Variants in CCDC88A observed in about 807,000 individuals in gnomAD.
CCDC88A encodes coiled-coil and HOOK domain protein 88A.
Under a neutral mutation model 234.3 loss-of-function variants are expected in CCDC88A, and 54 were observed. That is an observed-to-expected ratio of 0.23 (90% CI 0.19 to 0.29). CCDC88A has a LOEUF of 0.29. Among genes scored for constraint, CCDC88A ranks in the 10% least tolerant of loss-of-function variants. The pLI, the probability that CCDC88A is intolerant of heterozygous loss-of-function variation, is 1.00. For missense variants in CCDC88A, 1,832 were observed against 2,123.4 expected, an observed-to-expected ratio of 0.86 and a Z score of 2.70; for synonymous variants, 753 against 737.8, an observed-to-expected ratio of 1.02 and a Z score of -0.33.
Position 55,332,816 on chromosome 2 carries a change from T to A in CCDC88A, c.2728-123A>T. 1.2e-6 allele frequency: 1 copy of A among 808,430 alleles called. No individual in the cohort carries two copies. Among genetic ancestry groups the A allele is most frequent in the Non-Finnish European group, 1.9e-6 (1 of 517,588 alleles). The allele number at this position is 808,430 out of a possible 1,614,324, so 50.1% of individuals were successfully genotyped here. On this transcript the variant is annotated intron_variant, in intron 15 of 32. Coordinates refer to ENST00000436346, the MANE Select transcript of CCDC88A (RefSeq NM_001365480.1). The surrounding 1 kb of genome is among the most constrained non-coding windows in gnomAD (Gnocchi z 4.5). ...TGTAATTTGAACCAGGAAATGTCATTAAACCATTCCTTCATTATTAAAATG... is the reference window on the plus strand; with the variant it reads ...TGTAATTTGAACCAGGAAATGTCATAAAACCATTCCTTCATTATTAAAATG...
chr2:55,370,666 A>AGTG (rs1415080670), intron 5 of CCDC88A, among the ~76,000 whole-genome samples: 1 of 141,318 alleles, frequency 7.1e-6, no homozygotes, highest in African/African-American at 2.7e-5. Flanking sequence ...AAAAAAAAAA[A>AGTG]AGAGAATTAA....
chr2:55,339,570 C>T lies in CCDC88A; in HGVS notation c.1412G>A (p.Ser471Asn). 1 of 1,613,896 alleles carries T rather than the reference C, an allele frequency of 6.2e-7. No homozygotes were observed. The highest frequency in any genetic ancestry group is 8.5e-7 in the Non-Finnish European group (1 of 1,179,940). Residue 471 changes from serine (S) to asparagine (N), a missense_variant, in exon 13 of 33, where the codon AGT becomes AAT. Coordinates refer to ENST00000436346, the MANE Select transcript of CCDC88A (RefSeq NM_001365480.1). ...RLLKLEMENQ[S>N]LTKTVEELRT... The stretch of plus-strand genomic sequence containing the variant: ...AAGCTCTTCTACGGTTTTTGTCAAA[C>T]TTTGATTTTCCATCTCTAGCTTCAA...
At chr2:55,346,985 A>C (rs1669202356) in intron 9 of CCDC88A, among the ~76,000 whole-genome samples, 1 of 152,200 alleles carries the variant, frequency 6.6e-6, no homozygotes, top group South Asian at 2.1e-4. Context: ...AAAATAAGTT[A>C]ACATCTATGT....
intron 12 of CCDC88A, among the ~76,000 whole-genome samples, chr2:55,342,669 A>C (rs1012088246): frequency 2.0e-5 from 3 of 152,192 alleles, no homozygotes; most frequent in African/African-American, 7.2e-5. Context: ...CTCTATAGCC[A>C]GTACATGGGG....
intron 5 of CCDC88A, among the ~76,000 whole-genome samples, chr2:55,367,016 A>G (rs1672076950): frequency 6.6e-6 from 1 of 152,238 alleles, no homozygotes; most frequent in Non-Finnish European, 1.5e-5. Flanking sequence ...GTGTTCATCA[A>G]TGATGAATGG....
chr2:55,293,042 A>T (rs1228797590), intron 31 of CCDC88A: 3 of 151,876 alleles, frequency 2.0e-5, no homozygotes, highest in Non-Finnish European at 4.4e-5. Context: ...CTGCATATAA[A>T]CATATAGCTT....
intron 3 of CCDC88A, 64 bp downstream of exon 3, chr2:55,388,714 A>T (rs1371161997): frequency 5.9e-6 from 4 of 681,614 alleles, no homozygotes; most frequent in Non-Finnish European, 1.0e-5. Context: ...GAGATGACTG[A>T]TACTAAATAA....
At chr2:55,415,614 A>G (rs1310403566) in intron 2 of CCDC88A, among the ~76,000 whole-genome samples, 2 of 152,326 alleles carry the variant, frequency 1.3e-5, no homozygotes, top group Middle Eastern at 3.4e-3. Context: ...CAAGGTAGCT[A>G]AAGTACACAG....
At chr2:55,354,518 T>C (rs1574251169) in intron 8 of CCDC88A, among the ~76,000 whole-genome samples, 1 of 152,082 alleles carries the variant, frequency 6.6e-6, no homozygotes, top group African/African-American at 2.4e-5. Flanking sequence ...CATAAACACA[T>C]TGTACAACTG....
Position 55,332,196 on chromosome 2 carries a change from G to C in CCDC88A, c.2855+370C>G, listed in dbSNP as rs1031587344. On this transcript the variant is annotated intron_variant, in intron 16 of 32. Transcript: ENST00000436346. The surrounding 1 kb of genome is among the most constrained non-coding windows in gnomAD (Gnocchi z 4.5). The stretch of plus-strand genomic sequence containing the variant: ...TGCAACGGCACGATCTCAGCTCACC[G>C]CAACCTCAGCCTCCCAAGTTCAAGC... 2 of 154,128 alleles carry C rather than the reference G, an allele frequency of 1.3e-5. No homozygotes were observed. Among genetic ancestry groups the C allele is most frequent in the Non-Finnish European group, 2.9e-5 (2 of 69,704 alleles). The allele number at this position is 154,128 out of a possible 1,614,324, so 9.5% of individuals were successfully genotyped here.
At chr2:55,296,187 T>C in intron 30 of CCDC88A, 71 bp downstream of exon 30, 3 of 1,142,052 alleles carry the variant, frequency 2.6e-6, no homozygotes, top group Non-Finnish European at 3.7e-6. Flanking sequence ...AAAAAAAAGC[T>C]CTGAAGTTCA....
chr2:55,315,920 A>C lies in CCDC88A; in HGVS notation c.3933+8T>G. On this transcript the variant is annotated splice_region_variant and intron_variant, in intron 22 of 32. Transcript: ENST00000436346. ...GAAGGACACAGTGATTAAACTTTTT[A>C]AGCTCACCTCACACTGGTTATTCAG... 1.4e-6 allele frequency: 2 copies of C among 1,471,900 alleles called. No homozygotes were observed. The allele number at this position is 1,471,900 out of a possible 1,614,324, so 91.2% of individuals were successfully genotyped here. A position where few individuals can be genotyped will look rare whatever the true frequency, so the allele number is the denominator to read the frequency against.
intron 30 of CCDC88A, 83 bp downstream of exon 30, chr2:55,296,173 CAA>C: frequency 7.2e-7 from 1 of 1,390,518 alleles, no homozygotes; most frequent in African/African-American, 1.5e-5. Flanking sequence ...CTTAACTTAC[CAA>C]AAAAAAAAAG....
rs187326300 is a variant in CCDC88A at position 55,419,439 on chromosome 2, C to T, written c.-360G>A. 5 of 242,026 alleles carry T rather than the reference C, an allele frequency of 2.1e-5. No individual in the cohort carries two copies. In the Admixed American group the frequency reaches 2.6e-4, roughly 13 times the overall value. 15.0% of individuals were successfully genotyped at this position (242,026 alleles called of 1,614,324 possible). Reference sequence around the variant, plus strand: ...CCAGCTCCTGGAGGATCCAGACCAGCGAAACTGCTCCCAATGAATCAATCC... The same window carrying T: ...CCAGCTCCTGGAGGATCCAGACCAGTGAAACTGCTCCCAATGAATCAATCC... On this transcript the variant is annotated 5_prime_UTR_variant, in exon 1 of 33. Coordinates refer to ENST00000436346, the MANE Select transcript of CCDC88A (RefSeq NM_001365480.1).
chr2:55,395,248 G>T (rs370061974), intron 2 of CCDC88A, among the ~76,000 whole-genome samples: 4 of 152,312 alleles, frequency 2.6e-5, no homozygotes, highest in African/African-American at 9.6e-5. Flanking sequence ...AGCTAGCAAG[G>T]ATTTCAGGCA....
intron 16 of CCDC88A, among the ~76,000 whole-genome samples, chr2:55,331,131 T>G (rs974946615): frequency 6.6e-6 from 1 of 152,206 alleles, no homozygotes; most frequent in African/African-American, 2.4e-5. Context: ...ACAGGGTGTA[T>G]TCTACTTTTT....
chr2:55,293,139 G>T (rs1408148187), intron 31 of CCDC88A, among the ~76,000 whole-genome samples: 1 of 151,734 alleles, frequency 6.6e-6, no homozygotes, highest in African/African-American at 2.4e-5. Flanking sequence ...ATTTTTCAAT[G>T]AATTTTGAAT....
rs973414150 is a variant in CCDC88A, at chr2:55,309,437, T to A, written c.4080-183A>T. Among the ~76,000 whole-genome samples, 1 of 151,864 alleles carries A rather than the reference T, an allele frequency of 6.6e-6. No homozygotes were observed. The highest frequency in any genetic ancestry group is 1.5e-5 in the Non-Finnish European group (1 of 67,892). ...GAATTTTTCCATGTTTCTCCTTTTT[T>A]AAAAATTTACATTTTTTTTTCCTTT... On this transcript the variant is annotated intron_variant, in intron 23 of 32. Coordinates refer to ENST00000436346, the MANE Select transcript of CCDC88A (RefSeq NM_001365480.1). The surrounding 1 kb of genome is among the most constrained non-coding windows in gnomAD (Gnocchi z 5.1).
At chr2:55,350,419 G>C (rs1353928052) in intron 8 of CCDC88A, 1 of 151,806 alleles carries the variant, frequency 6.6e-6, no homozygotes. Flanking sequence ...TTTTCTCTTA[G>C]AATTGCTTTA....
Sources: allele counts gnomAD v4.1 joint callset (sites outside exome capture counted in the v4.1 genomes callset), GRCh38; gene constraint gnomAD v4.1.1; non-coding constraint Gnocchi (gnomAD v3.1); transcripts MANE v1.5; gene names NCBI Gene and HGNC (gene_info 2026-07-23, HGNC 2026-07-21).